Variants in SPOCK3 observed in about 807,000 individuals in gnomAD.
The protein encoded by SPOCK3 is SPARC (osteonectin), cwcv and kazal like domains proteoglycan 3.
SPOCK3 carries 30 observed loss-of-function variants against 56.6 expected under a neutral mutation model. The observed-to-expected ratio is 0.53, with a 90% CI of 0.40 to 0.72. SPOCK3 has a LOEUF of 0.72. SPOCK3 is among the 30% of genes least tolerant of loss of function. SPOCK3 has a pLI of 0.00. For missense variants in SPOCK3, 527 were observed against 530.0 expected, an observed-to-expected ratio of 0.99 and a Z score of 0.06; for synonymous variants, 196 against 183.3, an observed-to-expected ratio of 1.07 and a Z score of -0.56.
chr4:167,184,678 T>C (rs1580546562), intron 2 of SPOCK3, among the ~76,000 whole-genome samples: 1 of 152,168 alleles, frequency 6.6e-6, no homozygotes, highest in Non-Finnish European at 1.5e-5. Context: ...TTTTAAAAAC[T>C]GGAAAATAAA....
chr4:167,146,183 T>A (rs188468499), intron 2 of SPOCK3, among the ~76,000 whole-genome samples: 231 of 152,144 alleles, frequency 1.5e-3, no homozygotes, highest in African/African-American at 5.4e-3. Flanking sequence ...AAAACAGACT[T>A]TAAACCAGCA....
At chr4:166,891,650 C>T (rs1441543171) in intron 5 of SPOCK3, among the ~76,000 whole-genome samples, 2 of 151,822 alleles carry the variant, frequency 1.3e-5, no homozygotes, top group Admixed American at 6.6e-5. Context: ...AAAATCTATT[C>T]GAAGGTAGAC....
intron 2 of SPOCK3, among the ~76,000 whole-genome samples, chr4:167,096,376 G>A (rs1759156589): frequency 6.6e-6 from 1 of 151,858 alleles, no homozygotes. Flanking sequence ...TATCTTTGAT[G>A]ACATAGATAT....
At chr4:167,193,659 A>G (rs1418167333) in intron 2 of SPOCK3, among the ~76,000 whole-genome samples, 1 of 145,748 alleles carries the variant, frequency 6.9e-6, no homozygotes, top group Non-Finnish European at 1.5e-5. Context: ...CTTAATTGGC[A>G]GTTATTTTTG....
At chr4:167,183,864 A>T (rs992313323) in intron 2 of SPOCK3, among the ~76,000 whole-genome samples, 1 of 152,190 alleles carries the variant, frequency 6.6e-6, no homozygotes, top group African/African-American at 2.4e-5. Flanking sequence ...CTCAGGGCCC[A>T]TTAAAGGAAG....
At chr4:167,160,205 A>T (rs565979797) in intron 2 of SPOCK3, among the ~76,000 whole-genome samples, 30 of 152,320 alleles carry the variant, frequency 2.0e-4, no homozygotes, top group African/African-American at 6.7e-4. Context: ...TCAGGATACA[A>T]AATCAATGTA....
chr4:166,852,425 C>T (rs1048009169), intron 6 of SPOCK3, among the ~76,000 whole-genome samples: 1 of 152,110 alleles, frequency 6.6e-6, no homozygotes, highest in Non-Finnish European at 1.5e-5. Flanking sequence ...ACCCATTAAA[C>T]CCCCTCCATC....
intron 8 of SPOCK3, among the ~76,000 whole-genome samples, chr4:166,748,084 C>A (rs939995459): frequency 6.6e-6 from 1 of 151,622 alleles, no homozygotes; most frequent in Non-Finnish European, 1.5e-5. Context: ...AGATTCAATG[C>A]CATCCCCTTC....
chr4:166,977,968 C>T (rs1746142473), intron 4 of SPOCK3, among the ~76,000 whole-genome samples: 1 of 152,132 alleles, frequency 6.6e-6, no homozygotes, highest in South Asian at 2.1e-4. Context: ...AGCCATGATT[C>T]AAAGTTATTG....
intron 6 of SPOCK3, among the ~76,000 whole-genome samples, chr4:166,829,187 G>T (rs567368704): frequency 2.6e-5 from 4 of 152,094 alleles, no homozygotes; most frequent in South Asian, 2.1e-4. Flanking sequence ...AGATTATAAA[G>T]TATACATAAC....
chr4:167,135,111 A>G (rs1763007548), intron 2 of SPOCK3, among the ~76,000 whole-genome samples: 1 of 150,090 alleles, frequency 6.7e-6, no homozygotes, highest in Non-Finnish European at 1.5e-5. Flanking sequence ...TATATTAAAT[A>G]TTACATCAAT....
intron 2 of SPOCK3, among the ~76,000 whole-genome samples, chr4:167,137,215 C>T (rs995055139): frequency 2.0e-5 from 3 of 151,894 alleles, no homozygotes; most frequent in South Asian, 2.1e-4. Context: ...TATCTTGAGG[C>T]GATACCCAAA....
intron 2 of SPOCK3, among the ~76,000 whole-genome samples, chr4:167,117,048 C>T (rs1463015303): frequency 1.3e-5 from 2 of 150,658 alleles, no homozygotes; most frequent in Admixed American, 6.7e-5. Flanking sequence ...GCCTTCAACA[C>T]TGGGGCCATG....
intron 2 of SPOCK3, among the ~76,000 whole-genome samples, chr4:167,092,022 G>T (rs1758745885): frequency 1.3e-5 from 2 of 152,288 alleles, no homozygotes; most frequent in East Asian, 3.9e-4. Context: ...AATAGGAACA[G>T]CTCTGGTCTG....
At chr4:166,827,153 C>T (rs1444430983) in intron 6 of SPOCK3, among the ~76,000 whole-genome samples, 1 of 151,948 alleles carries the variant, frequency 6.6e-6, no homozygotes, top group African/African-American at 2.4e-5. Context: ...TTTTCTGGAG[C>T]GTATAGCCTG....
At chr4:166,943,049 A>G (rs958866858) in intron 4 of SPOCK3, among the ~76,000 whole-genome samples, 12 of 152,244 alleles carry the variant, frequency 7.9e-5, no homozygotes, top group Non-Finnish European at 1.5e-5. Flanking sequence ...TCATTTTAAC[A>G]AAATGTTCAA....
chr4:167,045,168 T>A (rs978248500), intron 3 of SPOCK3, among the ~76,000 whole-genome samples: 1 of 152,152 alleles, frequency 6.6e-6, no homozygotes, highest in Non-Finnish European at 1.5e-5. Flanking sequence ...GATAATTGTC[T>A]TTGTTCTCAT....
intron 2 of SPOCK3, among the ~76,000 whole-genome samples, chr4:167,224,274 T>C (rs1186786214): frequency 6.6e-6 from 1 of 152,078 alleles, no homozygotes; most frequent in African/African-American, 2.4e-5. Flanking sequence ...AGCTGGAATT[T>C]TCAGAGAATA....
chr4:167,167,866 C>T (rs1484792720), intron 2 of SPOCK3, among the ~76,000 whole-genome samples: 1 of 152,122 alleles, frequency 6.6e-6, no homozygotes, highest in Non-Finnish European at 1.5e-5. Flanking sequence ...TGTGACCCCA[C>T]CCAAATCTCA....
Sources: allele counts gnomAD v4.1 joint callset (sites outside exome capture counted in the v4.1 genomes callset), GRCh38; gene constraint gnomAD v4.1.1; transcripts MANE v1.5; gene names NCBI Gene and HGNC (gene_info 2026-07-23, HGNC 2026-07-21).